ADGRB3: variants seen among roughly 807,000 people sequenced by gnomAD.
ADGRB3 encodes the protein brain-specific angiogenesis inhibitor 3.
Under a neutral mutation model 193.4 loss-of-function variants are expected in ADGRB3, and 37 were observed. The ratio of observed to expected loss-of-function variants is 0.19; its 90% CI spans 0.15 to 0.25. ADGRB3 has a LOEUF of 0.25. Among genes scored for constraint, ADGRB3 ranks in the 10% least tolerant of loss-of-function variants. The pLI is 1.00. For missense variants in ADGRB3, 1,637 were observed against 1,852.9 expected (o/e 0.88, Z 2.14); for synonymous variants, 690 against 644.2 (o/e 1.07, Z -1.08).
rs531008713 is a variant in ADGRB3 at position 68,897,644 on chromosome 6, G to A, written c.758-32915G>A. 1.4e-4 allele frequency among the ~76,000 whole-genome samples: 17 copies of A among 120,298 alleles called. 2 individuals are homozygous for A. In the East Asian group the frequency reaches 3.2e-3, roughly 23 times the overall value. 78.9% of individuals were successfully genotyped at this position (120,298 alleles called of 152,430 possible). A position where few individuals can be genotyped will look rare whatever the true frequency, so the allele number is the denominator to read the frequency against. On this transcript the variant is annotated intron_variant, in intron 3 of 31. Transcript: ENST00000370598. ...GGAGGGAGGGAGGAAAGAGGAAAGAGGGAAGGAAGGAACGAAGGAAAGAAA... is the reference window on the plus strand; with the variant it reads ...GGAGGGAGGGAGGAAAGAGGAAAGAAGGAAGGAAGGAACGAAGGAAAGAAA...
chr6:68,857,761 T>A (rs1562059325), intron 3 of ADGRB3, among the ~76,000 whole-genome samples: 1 of 152,162 alleles, frequency 6.6e-6, no homozygotes, highest in Non-Finnish European at 1.5e-5. Flanking sequence ...AATGTGAAGA[T>A]GTGAGATTTG....
intron 17 of ADGRB3, among the ~76,000 whole-genome samples, chr6:69,186,205 A>G (rs977936837): frequency 1.0e-4 from 15 of 150,506 alleles, no homozygotes; most frequent in Non-Finnish European, 2.1e-4. Context: ...AAAATTGTCA[A>G]TTGGCCTGCA....
At chr6:69,045,187 G>A (rs1449910708) in intron 13 of ADGRB3, among the ~76,000 whole-genome samples, 1 of 151,962 alleles carries the variant, frequency 6.6e-6, no homozygotes, top group African/African-American at 2.4e-5. Context: ...ATTGAAGGTC[G>A]GATTGTTCTA....
At chr6:69,112,536 G>A (rs1165577900) in intron 17 of ADGRB3, among the ~76,000 whole-genome samples, 2 of 152,028 alleles carry the variant, frequency 1.3e-5, no homozygotes, top group Non-Finnish European at 1.5e-5. Context: ...CATGTTTCTA[G>A]ATCATTAATA....
intron 17 of ADGRB3, among the ~76,000 whole-genome samples, chr6:69,174,694 G>A (rs7742206): frequency 1.5e-3 from 229 of 152,296 alleles, no homozygotes; most frequent in African/African-American, 5.1e-3. Flanking sequence ...CACAGTAGCT[G>A]AACTAATTTA....
chr6:69,233,010 C>A, intron 17 of ADGRB3: 1 of 453,442 alleles, frequency 2.2e-6, no homozygotes, highest in Non-Finnish European at 3.9e-6. Context: ...CGCTGCTGTT[C>A]CTCGCATAGG....
At chr6:68,641,197 C>T (rs185157854) in intron 3 of ADGRB3, among the ~76,000 whole-genome samples, 65 of 152,162 alleles carry the variant, frequency 4.3e-4, no homozygotes, top group African/African-American at 1.3e-3. Context: ...TGAGTACTGA[C>T]GACAGTGGAG....
intron 17 of ADGRB3, among the ~76,000 whole-genome samples, chr6:69,126,078 T>C (rs1773841016): frequency 6.6e-6 from 1 of 152,210 alleles, no homozygotes; most frequent in Non-Finnish European, 1.5e-5. Context: ...TAAGTATATT[T>C]CTGAATATGG....
chr6:69,154,595 C>T (rs1459897366), intron 17 of ADGRB3, among the ~76,000 whole-genome samples: 1 of 152,214 alleles, frequency 6.6e-6, no homozygotes, highest in Non-Finnish European at 1.5e-5. Flanking sequence ...GATCACATCT[C>T]CAGTCTCTGC....
At chr6:68,963,817 T>C (rs866748699) in intron 8 of ADGRB3, among the ~76,000 whole-genome samples, 1 of 152,126 alleles carries the variant, frequency 6.6e-6, no homozygotes, top group African/African-American at 2.4e-5. Context: ...CCTATAAATT[T>C]GTTTGATATT....
intron 24 of ADGRB3, among the ~76,000 whole-genome samples, chr6:69,337,349 A>G (rs1768874267): frequency 6.6e-6 from 1 of 152,034 alleles, no homozygotes; most frequent in Non-Finnish European, 1.5e-5. Flanking sequence ...AGAAATGCAA[A>G]TGTTTAGTTA....
intron 3 of ADGRB3, among the ~76,000 whole-genome samples, chr6:68,804,283 A>G (rs1390862792): frequency 6.6e-6 from 1 of 152,106 alleles, no homozygotes; most frequent in Non-Finnish European, 1.5e-5. Context: ...TACACTTTTC[A>G]TCTTGAGAAA....
intron 19 of ADGRB3, among the ~76,000 whole-genome samples, chr6:69,235,975 A>G (rs1444240675): frequency 6.6e-6 from 1 of 151,842 alleles, no homozygotes; most frequent in Non-Finnish European, 1.5e-5. Flanking sequence ...AATATTTTTA[A>G]CTATATTAGT....
In ADGRB3 at chr6:68,975,270, G is replaced by C; in HGVS notation, c.1664G>C (p.Gly555Ala). Residue 555 changes from glycine (G) to alanine (A), a missense_variant, in exon 10 of 32, where the codon GGA becomes GCA. This residue lies in a region of ADGRB3 where 641 missense variants were observed against 673.9 expected (regional missense o/e 0.95). Coordinates refer to ENST00000370598, the MANE Select transcript of ADGRB3 (RefSeq NM_001704.3). Reference protein sequence around the residue: ...TSRRCSLSLHGVAFWEQPSFA... With the variant: ...TSRRCSLSLHAVAFWEQPSFA... ...AGACGCTGCTCTCTCAGTCTTCATG[G>C]AGTGGCCTTCTGGGAACAGCCGAGC... is the stretch of plus-strand genomic sequence containing the variant. The C allele has an allele frequency of 6.2e-7, 1 of 1,613,986 alleles. No individual in the cohort carries two copies. The highest frequency in any genetic ancestry group is 8.5e-7 in the Non-Finnish European group (1 of 1,179,942).
intron 3 of ADGRB3, among the ~76,000 whole-genome samples, chr6:68,866,919 C>G (rs1179288009): frequency 6.6e-6 from 1 of 152,086 alleles, no homozygotes; most frequent in Non-Finnish European, 1.5e-5. Context: ...AGTATATAGT[C>G]TTATGCATTC....
intron 3 of ADGRB3, among the ~76,000 whole-genome samples, chr6:68,803,950 G>T (rs914417468): frequency 2.6e-5 from 4 of 152,066 alleles, no homozygotes; most frequent in Non-Finnish European, 5.9e-5. Context: ...TTGAACATTT[G>T]CTCTTTCATG....
Position 68,781,610 on chromosome 6 carries a change from T to A in ADGRB3, c.757+142178T>A, listed in dbSNP as rs557988773. 3.3e-5 allele frequency among the ~76,000 whole-genome samples: 5 copies of A among 152,034 alleles called. No homozygotes were observed. In the South Asian group the frequency reaches 8.3e-4, roughly 25 times the overall value. ...GATATATTCATACCAGATAAATCAA[T>A]AGAGGAAATTTAATATGGATAATTT... On this transcript the variant is annotated intron_variant, in intron 3 of 31. Transcript: ENST00000370598.
intron 17 of ADGRB3, among the ~76,000 whole-genome samples, chr6:69,172,673 G>GAAAAAAAAAAAA (rs1372487542): frequency 1.0e-5 from 1 of 97,850 alleles, no homozygotes; most frequent in Non-Finnish European, 2.0e-5. Context: ...AAAAAAAAAA[G>GAAAAAAAAAAAA]AGAAATAAAG....
chr6:69,084,309 G>T (rs1772485553), intron 17 of ADGRB3, among the ~76,000 whole-genome samples: 1 of 152,122 alleles, frequency 6.6e-6, no homozygotes, highest in African/African-American at 2.4e-5. Flanking sequence ...TGGCCAAAGA[G>T]ATCTTTATTT....
Sources: gnomAD v4.1 joint callset for allele counts (sites outside exome capture counted in the v4.1 genomes callset) on GRCh38, gnomAD v4.1.1 for gene constraint, gnomAD v4.1.1 regional missense constraint, MANE v1.5 for transcripts, NCBI Gene and HGNC (gene_info 2026-07-23, HGNC 2026-07-21) for gene names.